NNT: variants seen among roughly 807,000 people sequenced by gnomAD.
NNT encodes NAD(P) transhydrogenase, mitochondrial.
A neutral mutation model predicts 104.8 loss-of-function variants in NNT; 50 were observed. The observed-to-expected ratio is 0.48, with a 90% CI of 0.38 to 0.60. The LOEUF (loss-of-function observed/expected upper bound fraction) is 0.60, where lower values mean the gene tolerates loss of function less well. Ranked by LOEUF, NNT falls within the 20% of genes least tolerant of loss-of-function variation. The pLI is 0.00. For synonymous variants in NNT, 461 were observed against 490.4 expected, an observed-to-expected ratio of 0.94 and a Z score of 0.79; for missense variants, 1,131 against 1,330.7, an observed-to-expected ratio of 0.85 and a Z score of 2.33.
intron 17 of NNT, among the ~76,000 whole-genome samples, chr5:43,668,773 G>C (rs558825801): frequency 3.9e-4 from 59 of 152,178 alleles, no homozygotes; most frequent in South Asian, 1.7e-3. Context: ...GCTCTTTTTT[G>C]GTTCCATATG....
intron 19 of NNT, among the ~76,000 whole-genome samples, chr5:43,696,623 CTG>C (rs978583172): frequency 6.6e-6 from 1 of 152,222 alleles, no homozygotes; most frequent in African/African-American, 2.4e-5. Flanking sequence ...CAGAGGTTCT[CTG>C]TGAGGGCCCC....
rs771017496 is a variant in NNT at position 43,677,791 on chromosome 5, A to T, written c.2861A>T (p.Gln954Leu). 6.2e-7 allele frequency: 1 copy of T among 1,613,546 alleles called. No individual in the cohort carries two copies. The highest frequency in any genetic ancestry group is 8.5e-7 in the Non-Finnish European group (1 of 1,179,608). Residue 954 changes from glutamine (Q) to leucine (L), a missense_variant, in exon 19 of 22, where the codon CAA (glutamine) becomes CTA (leucine). Coordinates refer to ENST00000344920, the MANE Select transcript of NNT (RefSeq NM_182977.3). ...IADLVKMLTE[Q>L]GKKVRFGIHP... The stretch of plus-strand genomic sequence containing the variant: ...GATTTGGTAAAGATGCTCACTGAGC[A>T]AGGCAAAAAAGTCAGGTAAGCGTTT...
At chr5:43,669,684 A>G (rs1460074252) in intron 17 of NNT, among the ~76,000 whole-genome samples, 2 of 151,998 alleles carry the variant, frequency 1.3e-5, no homozygotes, top group Non-Finnish European at 2.9e-5. Flanking sequence ...TTGGTTTGTG[A>G]GTGTTTTATT....
chr5:43,688,707 T>C (rs1180956225), intron 19 of NNT, among the ~76,000 whole-genome samples: 2 of 152,216 alleles, frequency 1.3e-5, no homozygotes, highest in Non-Finnish European at 2.9e-5. Flanking sequence ...AGAATAATAG[T>C]CTCCAGTTCC....
At chr5:43,645,539 C>T in intron 10 of NNT, 29 bp downstream of exon 10, 3 of 1,427,526 alleles carry the variant, frequency 2.1e-6, no homozygotes, top group Non-Finnish European at 1.8e-6. Flanking sequence ...AGGGTTTAGT[C>T]TTGATTGTTT....
intron 8 of NNT, 106 bp downstream of exon 8, chr5:43,644,431 A>G: frequency 7.1e-7 from 1 of 1,417,500 alleles, no homozygotes; most frequent in Non-Finnish European, 9.6e-7. Flanking sequence ...TGAAATTTTA[A>G]AATTAAAAAT....
chr5:43,657,220 A>T (rs979073112), intron 16 of NNT, among the ~76,000 whole-genome samples: 2 of 152,222 alleles, frequency 1.3e-5, no homozygotes, highest in Non-Finnish European at 2.9e-5. Context: ...CTCTTACATC[A>T]TTGGAAGATA....
intron 4 of NNT, among the ~76,000 whole-genome samples, chr5:43,616,980 A>G (rs538961327): frequency 6.6e-6 from 1 of 152,318 alleles, no homozygotes; most frequent in East Asian, 1.9e-4. Flanking sequence ...CACTAACATG[A>G]CTAACATGAA....
chr5:43,615,094 G>T (rs998933465), intron 3 of NNT, among the ~76,000 whole-genome samples: 1 of 151,840 alleles, frequency 6.6e-6, no homozygotes, highest in African/African-American at 2.4e-5. Flanking sequence ...CCGAGATTGC[G>T]CCACTGCAGT....
intron 1 of NNT, among the ~76,000 whole-genome samples, chr5:43,605,521 T>TA (rs1749167546): frequency 8.3e-5 from 1 of 12,116 alleles, no homozygotes; most frequent in Non-Finnish European, 1.3e-4. Flanking sequence ...AGACTCCGTC[T>TA]CAAAAAAAAA....
At chr5:43,609,395 A>G (rs1436986565) in intron 2 of NNT, 49 bp downstream of exon 2, 3 of 1,575,310 alleles carry the variant, frequency 1.9e-6, no homozygotes, top group South Asian at 2.3e-5. Context: ...AGTCATAGGA[A>G]CTAATAGATC....
intron 17 of NNT, among the ~76,000 whole-genome samples, chr5:43,669,828 A>G (rs1343736245): frequency 3.3e-5 from 5 of 152,164 alleles, no homozygotes; most frequent in Admixed American, 6.5e-5. Flanking sequence ...CTCTTTTTCT[A>G]TTGATTGGAA....
intron 19 of NNT, among the ~76,000 whole-genome samples, chr5:43,680,011 T>A (rs1741617382): frequency 6.6e-6 from 1 of 151,926 alleles, no homozygotes; most frequent in Admixed American, 6.5e-5. Context: ...TTGTAGTTTT[T>A]TTTTACTATA....
intron 2 of NNT, among the ~76,000 whole-genome samples, chr5:43,609,562 A>C (rs1488985072): frequency 6.6e-6 from 1 of 151,486 alleles, no homozygotes; most frequent in Admixed American, 6.6e-5. Flanking sequence ...GTAATAGAAA[A>C]AACAAACAAA....
intron 9 of NNT, 85 bp from the exon 10 acceptor site, chr5:43,645,272 G>C (rs888987524): frequency 1.4e-6 from 1 of 708,024 alleles, no homozygotes. Flanking sequence ...AAAAGAACAG[G>C]GTTTTAAAAA....
chr5:43,701,698 C>T (rs909022180), intron 20 of NNT, among the ~76,000 whole-genome samples: 4 of 152,122 alleles, frequency 2.6e-5, no homozygotes, highest in East Asian at 1.9e-4. Flanking sequence ...CTACAAACAG[C>T]GTGTAAATGT....
Position 43,704,628 on chromosome 5 carries a change from T to C in NNT, c.*224T>C. On this transcript the variant is annotated 3_prime_UTR_variant, in exon 22 of 22. Coordinates refer to ENST00000344920, the MANE Select transcript of NNT (RefSeq NM_182977.3). ...ATTCTAAATGTCTTTCTGTGCATATTTTTTGTGTTAGGAATCAAAAGTATT... is the reference window on the plus strand; with the variant it reads ...ATTCTAAATGTCTTTCTGTGCATATCTTTTGTGTTAGGAATCAAAAGTATT... 2.3e-6 allele frequency: 1 copy of C among 433,618 alleles called. No homozygotes were observed. Among genetic ancestry groups the C allele is most frequent in the East Asian group, 4.4e-5 (1 of 22,844 alleles). 26.9% of individuals were successfully genotyped at this position (433,618 alleles called of 1,614,324 possible).
chr5:43,685,149 A>G, intron 19 of NNT, among the ~76,000 whole-genome samples: 1 of 152,222 alleles, frequency 6.6e-6, no homozygotes, highest in East Asian at 1.9e-4. Flanking sequence ...TTAAGGTTTT[A>G]TAGATTTATA....
chr5:43,669,066 A>T (rs1050427707), intron 17 of NNT, among the ~76,000 whole-genome samples: 5 of 152,094 alleles, frequency 3.3e-5, no homozygotes, highest in African/African-American at 1.2e-4. Context: ...TTCAGTCATG[A>T]TTTGGCTCTC....
Sources: allele counts gnomAD v4.1 joint callset (sites outside exome capture counted in the v4.1 genomes callset), GRCh38; gene constraint gnomAD v4.1.1; transcripts MANE v1.5; gene names NCBI Gene and HGNC (gene_info 2026-07-23, HGNC 2026-07-21).